The following CRACD variants were observed in gnomAD, a reference collection of about 807,000 sequenced individuals.
CRACD encodes capping protein-inhibiting regulator of actin dynamics.
CRACD carries 56 observed loss-of-function variants against 106.8 expected under a neutral mutation model. The ratio of observed to expected loss-of-function variants is 0.52; its 90% CI spans 0.42 to 0.66. CRACD has a LOEUF of 0.66. Among genes scored for constraint, CRACD ranks in the 30% least tolerant of loss-of-function variants. CRACD has a pLI of 0.00. For synonymous variants in CRACD, 754 were observed against 670.8 expected (o/e 1.12, Z -1.92); for missense variants, 1,730 against 1,623.2 (o/e 1.07, Z -1.13).
At chr4:56,233,111 C>T (rs1449229998) in intron 2 of CRACD, among the ~76,000 whole-genome samples, 1 of 134,624 alleles carries the variant, frequency 7.4e-6, no homozygotes, top group South Asian at 2.5e-4. Flanking sequence ...TTTCTTTTCT[C>T]AGTTTTTAAT....
chr4:56,139,703 A>T (rs1735127193), intron 1 of CRACD, among the ~76,000 whole-genome samples: 1 of 152,180 alleles, frequency 6.6e-6, no homozygotes, highest in African/African-American at 2.4e-5. Context: ...ATCTACCATG[A>T]TGGGAGAAGA....
intron 1 of CRACD, among the ~76,000 whole-genome samples, chr4:56,068,144 G>A (rs1368440552): frequency 6.6e-6 from 1 of 152,184 alleles, no homozygotes; most frequent in Non-Finnish European, 1.5e-5. Context: ...GGTGGTGGTG[G>A]TGGCTTTGGA....
chr4:56,059,533 A>T (rs994309458), intron 1 of CRACD, among the ~76,000 whole-genome samples: 2 of 152,206 alleles, frequency 1.3e-5, no homozygotes, highest in Non-Finnish European at 2.9e-5. Context: ...AGTCATGATA[A>T]AACCATTTTC....
At chr4:56,220,288 A>G (rs1738958121) in intron 2 of CRACD, among the ~76,000 whole-genome samples, 1 of 152,254 alleles carries the variant, frequency 6.6e-6, no homozygotes, top group African/African-American at 2.4e-5. Context: ...AGATTAGCAC[A>G]GGGATCTAAT....
chr4:56,195,787 T>C (rs1355148557), intron 2 of CRACD, among the ~76,000 whole-genome samples: 1 of 152,218 alleles, frequency 6.6e-6, no homozygotes, highest in Admixed American at 6.5e-5. Context: ...ATCATTATCT[T>C]GTTTTATCAA....
At chr4:56,131,680 T>G (rs1447516998) in intron 1 of CRACD, among the ~76,000 whole-genome samples, 1 of 152,130 alleles carries the variant, frequency 6.6e-6, no homozygotes, top group African/African-American at 2.4e-5. Flanking sequence ...TTTTAGAGTA[T>G]TTAATTTTTT....
At chr4:56,237,511 C>T (rs1280037578) in intron 2 of CRACD, among the ~76,000 whole-genome samples, 2 of 152,218 alleles carry the variant, frequency 1.3e-5, no homozygotes, top group East Asian at 3.9e-4. Flanking sequence ...TCAGTAAATG[C>T]AGCTTCATGC....
chr4:56,216,752 G>T (rs1292937381), intron 2 of CRACD, among the ~76,000 whole-genome samples: 1 of 151,480 alleles, frequency 6.6e-6, no homozygotes, highest in African/African-American at 2.4e-5. Flanking sequence ...AGGCCGAGGC[G>T]GGTGGATCAT....
intron 1 of CRACD, among the ~76,000 whole-genome samples, chr4:56,129,344 G>C (rs962310356): frequency 6.6e-6 from 1 of 152,140 alleles, no homozygotes; most frequent in Non-Finnish European, 1.5e-5. Flanking sequence ...CTGGGATTAC[G>C]GGTATGAGCC....
At chr4:56,097,977 A>T (rs952213780) in intron 1 of CRACD, among the ~76,000 whole-genome samples, 1 of 152,186 alleles carries the variant, frequency 6.6e-6, no homozygotes, top group Admixed American at 6.5e-5. Context: ...CCCAGAATGA[A>T]AAAAAAATTG....
At chr4:56,105,360 G>A (rs1733917382) in intron 1 of CRACD, among the ~76,000 whole-genome samples, 1 of 152,100 alleles carries the variant, frequency 6.6e-6, no homozygotes, top group Admixed American at 6.5e-5. Context: ...TTAGCCGAGC[G>A]CGGTAGCATA....
chr4:56,099,885 A>C (rs1733723123), intron 1 of CRACD, among the ~76,000 whole-genome samples: 1 of 152,242 alleles, frequency 6.6e-6, no homozygotes, highest in Non-Finnish European at 1.5e-5. Context: ...TTGGTCCTTG[A>C]AACCAGTTGT....
intron 2 of CRACD, chr4:56,246,485 T>C (rs1740690104): frequency 1.3e-5 from 2 of 152,184 alleles, no homozygotes; most frequent in Admixed American, 1.3e-4. Context: ...CACTGGCTGT[T>C]TTCTCCTTAC....
intron 2 of CRACD, among the ~76,000 whole-genome samples, chr4:56,216,681 C>T (rs1042701807): frequency 1.4e-4 from 21 of 152,120 alleles, no homozygotes; most frequent in African/African-American, 4.6e-4. Context: ...GAAAATTATT[C>T]TGAAGTAGAA....
chr4:56,065,462 G>T (rs1240458945), intron 1 of CRACD, among the ~76,000 whole-genome samples: 1 of 152,174 alleles, frequency 6.6e-6, no homozygotes. Context: ...TTACTTGTTT[G>T]TGGGGCGAGG....
In CRACD at chr4:56,315,642, C is replaced by A. The variant is rs1243389698; in HGVS notation, c.2140C>A (p.Pro714Thr). The change falls in exon 8 of 11, where the codon CCA (proline) becomes ACA (threonine). Residue 714 changes from proline (P) to threonine (T), a missense_variant. This residue lies in a region of CRACD where 1,620 missense variants were observed against 1,481.6 expected (regional missense o/e 1.09). Coordinates refer to ENST00000682029, the MANE Select transcript of CRACD (RefSeq NM_001393381.1). The surrounding 1 kb of genome is among the most constrained non-coding windows in gnomAD (Gnocchi z 4.1). ...DSRGNQRKTPPVNAKFSIMPA... is the reference protein window; with the variant it reads ...DSRGNQRKTPTVNAKFSIMPA... The stretch of plus-strand genomic sequence containing the variant: ...CCGCGGGAACCAACGGAAGACTCCG[C>A]CAGTCAATGCAAAGTTCTCTATTAT... 1.2e-6 allele frequency: 2 copies of A among 1,614,212 alleles called. No homozygotes were observed. Among genetic ancestry groups the A allele is most frequent in the Admixed American group, 1.7e-5 (1 of 60,034 alleles).
At chr4:56,253,416 C>T (rs971854743) in intron 2 of CRACD, among the ~76,000 whole-genome samples, 3 of 152,144 alleles carry the variant, frequency 2.0e-5, no homozygotes, top group African/African-American at 7.2e-5. Flanking sequence ...AGTTCAGTCA[C>T]CTCATTTTGC....
intron 2 of CRACD, among the ~76,000 whole-genome samples, chr4:56,260,762 A>G (rs1741647504): frequency 6.6e-6 from 1 of 152,162 alleles, no homozygotes; most frequent in Admixed American, 6.5e-5. Context: ...AATCCAGCCT[A>G]TTCTTCCTGA....
In CRACD at chr4:56,267,048, G is replaced by C. The variant is rs181542816; in HGVS notation, c.-188-5273G>C. Among the ~76,000 whole-genome samples, 448 of 152,160 alleles carry C rather than the reference G, an allele frequency of 2.9e-3. 4 individuals carry two copies. The highest frequency in any genetic ancestry group is 2.5e-3 in the Non-Finnish European group (171 of 68,002). On this transcript the variant is annotated intron_variant, in intron 2 of 10. Coordinates refer to ENST00000682029, the MANE Select transcript of CRACD (RefSeq NM_001393381.1). ...TGTAATTTCTGAGTCTTTTCAGGAA[G>C]TCAATGCTAGAAAATTGATCAAGTA...
Sources: gnomAD v4.1 joint callset for allele counts (sites outside exome capture counted in the v4.1 genomes callset) on GRCh38, gnomAD v4.1.1 for gene constraint, gnomAD v4.1.1 regional missense constraint, Gnocchi (gnomAD v3.1) non-coding constraint, MANE v1.5 for transcripts, NCBI Gene and HGNC (gene_info 2026-07-23, HGNC 2026-07-21) for gene names.